Variants in DYNLT4 observed in about 807,000 individuals in gnomAD.
DYNLT4 encodes Tctex1 domain containing 4.
Under a neutral mutation model 1.5 loss-of-function variants are expected in DYNLT4, and 3 were observed. The ratio of observed to expected loss-of-function variants is 1.97; its 90% CI spans 0.90 to 5.08. The LOEUF is 5.08. Among genes scored for constraint, DYNLT4 ranks in the 30% most tolerant of loss-of-function variants. The probability of loss-of-function intolerance (pLI) is 0.02; values close to 1 mark genes in which losing one functional copy is unlikely to be tolerated. For missense variants in DYNLT4, 346 were observed against 341.0 expected (o/e 1.01, Z -0.12); for synonymous variants, 181 against 160.0 (o/e 1.13, Z -0.99).
chr1:44,806,414 G>T lies in DYNLT4; in HGVS notation c.255C>A (p.Pro85=). The part of the protein sequence containing the change: ...GGQRPSLGPV[P]PLGSRVSFSG... ...AGAAGCTGACCCTTGAGCCCAGAGG[G>T]GGCACCGGGCCCAGGGATGGCCGCT... The change falls in exon 3 of 3, where the codon CCC becomes CCA. Residue 85 remains proline, a synonymous_variant. Coordinates refer to ENST00000339355, the MANE Select transcript of DYNLT4 (RefSeq NM_001377534.1). The T allele has an allele frequency of 6.6e-7, 1 of 1,517,792 alleles. No homozygotes were observed. 94.0% of individuals were successfully genotyped at this position (1,517,792 alleles called of 1,614,324 possible).
Position 44,806,592 on chromosome 1 carries a change from A to G in DYNLT4, c.77T>C (p.Val26Ala). Reference protein sequence around the residue: ...AKDSGRKPSPVRPRGCLPSID... With the variant: ...AKDSGRKPSPARPRGCLPSID... ...GCTGGGCAGGCAGCCTCGGGGCCGC[A>G]CCGGTGAGGGTTTCCGCCCGGAGTC... The change falls in exon 3 of 3, where the codon GTG becomes GCG. Residue 26 changes from valine to alanine, a missense_variant. By Grantham distance (64) the Val-to-Ala change is moderately conservative. Coordinates refer to ENST00000339355, the MANE Select transcript of DYNLT4 (RefSeq NM_001377534.1). The G allele has an allele frequency of 1.3e-6, 2 of 1,487,924 alleles. No individual in the cohort carries two copies. Among genetic ancestry groups the G allele is most frequent in the Non-Finnish European group, 1.8e-6 (2 of 1,121,912 alleles). The allele number at this position is 1,487,924 out of a possible 1,614,324, so 92.2% of individuals were successfully genotyped here.
Position 44,806,408 on chromosome 1 carries a change from C to G in DYNLT4, c.261G>C (p.Leu87=). ...QRPSLGPVPP[L]GSRVSFSGLP... ...ACCCTGAGAAGCTGACCCTTGAGCC[C>G]AGAGGGGGCACCGGGCCCAGGGATG... Residue 87 remains leucine, a synonymous_variant, in exon 3 of 3, where the codon CTG becomes CTC. Transcript: ENST00000339355. The G allele has an allele frequency of 6.6e-7, 1 of 1,521,548 alleles. No individual in the cohort carries two copies. The highest frequency in any genetic ancestry group is 8.8e-7 in the Non-Finnish European group (1 of 1,140,720). The allele number at this position is 1,521,548 out of a possible 1,614,324, so 94.3% of individuals were successfully genotyped here. A position where few individuals can be genotyped will look rare whatever the true frequency, so the allele number is the denominator to read the frequency against.
intron 1 of DYNLT4, 101 bp downstream of exon 1, chr1:44,807,224 A>C: frequency 3.8e-6 from 3 of 784,520 alleles, no homozygotes; most frequent in Non-Finnish European, 4.6e-6. Flanking sequence ...CAGATGACTC[A>C]TGAAGCCCCC....
Position 44,806,265 on chromosome 1 carries a change from AGCCCTGCGGCCAGCGCC to A in DYNLT4, c.387_403del (p.Leu131ArgfsTer99). On this transcript the variant is annotated frameshift_variant, in exon 3 of 3. Coordinates refer to ENST00000339355, the MANE Select transcript of DYNLT4 (RefSeq NM_001377534.1). LOFTEE classifies it low-confidence loss of function (END_TRUNC). ...GTCGCTGGAGTAGCACGCGTCGTGC[AGCCCTGCGGCCAGCGCC>A]GCCTCCAGGGCACGCTGTGCACGCG... 1 of 1,498,856 alleles carries A rather than the reference AGCCCTGCGGCCAGCGCC, an allele frequency of 6.7e-7. No homozygotes were observed. The highest frequency in any genetic ancestry group is 2.5e-5 in the East Asian group (1 of 39,274). The allele number at this position is 1,498,856 out of a possible 1,614,324, so 92.8% of individuals were successfully genotyped here. A position where few individuals can be genotyped will look rare whatever the true frequency, so the allele number is the denominator to read the frequency against.
At position 44,806,650 on chromosome 1, in the gene DYNLT4, G is replaced by T. The variant is rs780308703; in HGVS notation, c.19C>A (p.Pro7Thr). Reference sequence around the variant, plus strand: ...TTCTCCTCCTCCTGGCGTCCCGGGGGCAGAGGCCTGCTGGCCATGGACCTG... The same window carrying T: ...TTCTCCTCCTCCTGGCGTCCCGGGGTCAGAGGCCTGCTGGCCATGGACCTG... MASRPL[P>T]PGRQEEENAK... Residue 7 changes from proline to threonine, a missense_variant, in exon 3 of 3, where the codon CCC (proline) becomes ACC (threonine). Coordinates refer to ENST00000339355, the MANE Select transcript of DYNLT4 (RefSeq NM_001377534.1). The T allele has an allele frequency of 6.8e-7, 1 of 1,465,476 alleles. No individual in the cohort carries two copies. The highest frequency in any genetic ancestry group is 1.4e-5 in the South Asian group (1 of 69,208). The allele number at this position is 1,465,476 out of a possible 1,614,324, so 90.8% of individuals were successfully genotyped here.
At position 44,806,089 on chromosome 1, in the gene DYNLT4, C is replaced by G. The variant is rs748841148; in HGVS notation, c.580G>C (p.Val194Leu). The change falls in exon 3 of 3, where the codon GTG becomes CTG. Residue 194 changes from valine (V) to leucine (L), a missense_variant. By Grantham distance (32) the Val-to-Leu change is conservative. Coordinates refer to ENST00000339355, the MANE Select transcript of DYNLT4 (RefSeq NM_001377534.1). Reference protein sequence around the residue: ...VHVVSRALWDVARDGLASVSY... With the variant: ...VHVVSRALWDLARDGLASVSY... Reference sequence around the variant, plus strand: ...ACCGAGGCCAGCCCATCGCGCGCCACGTCCCAGAGCGCACGGCTGACCACG... The same window carrying G: ...ACCGAGGCCAGCCCATCGCGCGCCAGGTCCCAGAGCGCACGGCTGACCACG... 6.2e-7 allele frequency: 1 copy of G among 1,606,824 alleles called. No homozygotes were observed. Among genetic ancestry groups the G allele is most frequent in the Non-Finnish European group, 8.5e-7 (1 of 1,176,674 alleles).
chr1:44,806,961 C>A lies in DYNLT4; in HGVS notation c.-66-123G>T, dbSNP rs952840498. On this transcript the variant is annotated intron_variant, in intron 1 of 2. Transcript: ENST00000339355. ...GGGCACTATGGAAGTTAGCCAGGTACGCTCGGAGTCTTAGAGACTGCCATT... is the reference window on the plus strand; with the variant it reads ...GGGCACTATGGAAGTTAGCCAGGTAAGCTCGGAGTCTTAGAGACTGCCATT... 5.2e-5 allele frequency: 51 copies of A among 985,274 alleles called. No homozygotes were observed. The South Asian group carries it at 6.1e-4, about 12-fold the overall frequency. The allele number at this position is 985,274 out of a possible 1,614,324, so 61.0% of individuals were successfully genotyped here.
In DYNLT4 at chr1:44,806,186, G is replaced by A. The variant is rs1157212523; in HGVS notation, c.483C>T (p.Arg161=). Residue 161 remains arginine, a synonymous_variant, in exon 3 of 3, where the codon CGC becomes CGT. Transcript: ENST00000339355. ...ELCEQVHVRL[R]ELSPPRYKLV... is the part of the protein sequence containing the mutation. ...GCTTGTAGCGTGGCGGGCTGAGCTC[G>A]CGCAGGCGAACGTGCACCTGCTCGC... 1.9e-6 allele frequency: 3 copies of A among 1,553,830 alleles called. No homozygotes were observed. Among genetic ancestry groups the A allele is most frequent in the Non-Finnish European group, 2.6e-6 (3 of 1,153,200 alleles).
Position 44,806,805 on chromosome 1 carries a change from TCAGATAGTCC to T in DYNLT4, c.-43_-34del. Reference sequence around the variant, plus strand: ...TTACCTGTGTTTTAGAACAAGTGGATCAGATAGTCCCAGGCTGCCTGGGTTCCTAGGTGCT... The same window carrying T: ...TTACCTGTGTTTTAGAACAAGTGGATCAGGCTGCCTGGGTTCCTAGGTGCT... On this transcript the variant is annotated 5_prime_UTR_variant, in exon 2 of 3. Coordinates refer to ENST00000339355, the MANE Select transcript of DYNLT4 (RefSeq NM_001377534.1). The T allele has an allele frequency of 7.5e-7, 1 of 1,340,766 alleles. No individual in the cohort carries two copies. The highest frequency in any genetic ancestry group is 2.0e-5 in the South Asian group (1 of 49,588). 83.1% of individuals were successfully genotyped at this position (1,340,766 alleles called of 1,614,324 possible).
chr1:44,806,704 C>T, intron 2 of DYNLT4, 25 bp from the exon 3 acceptor site: 1 of 1,427,308 alleles, frequency 7.0e-7, no homozygotes. Flanking sequence ...CTCAGGGTGG[C>T]CTTCACCAGG....
intron 1 of DYNLT4, 156 bp from the exon 2 acceptor site, chr1:44,806,994 T>A (rs1042692360): frequency 1.0e-6 from 1 of 985,236 alleles, no homozygotes; most frequent in African/African-American, 1.7e-5. Flanking sequence ...ATTTCTCCCT[T>A]CCACCCGACT....
At position 44,805,901 on chromosome 1, in the gene DYNLT4, G is replaced by A. The variant is rs1573616124; in HGVS notation, c.*102C>T. ...CTCCCAGCTAGGGGGCGTTATTTAT[G>A]GACCACTTTTATTTATTGTCAGACA... is the stretch of plus-strand genomic sequence containing the variant. On this transcript the variant is annotated 3_prime_UTR_variant, in exon 3 of 3. Coordinates refer to ENST00000339355, the MANE Select transcript of DYNLT4 (RefSeq NM_001377534.1). 1 of 1,455,860 alleles carries A rather than the reference G, an allele frequency of 6.9e-7. No homozygotes were observed. The highest frequency in any genetic ancestry group is 2.5e-5 in the East Asian group (1 of 40,344). 90.2% of individuals were successfully genotyped at this position (1,455,860 alleles called of 1,614,324 possible).
rs908818037 is a variant in DYNLT4, at chr1:44,806,523, G to C, written c.146C>G (p.Ser49Trp). 1 of 1,496,822 alleles carries C rather than the reference G, an allele frequency of 6.7e-7. No homozygotes were observed. The highest frequency in any genetic ancestry group is 8.8e-7 in the Non-Finnish European group (1 of 1,130,792). 92.7% of individuals were successfully genotyped at this position (1,496,822 alleles called of 1,614,324 possible). ...CAGGCCCAGCATGGAGCCCCGGCGC[G>C]AGGCCGGGGCTGGACCTGGACCTGC... ...RPAGPGPAPA[S>W]RRGSMLGLAA... The change falls in exon 3 of 3, where the codon TCG becomes TGG. Residue 49 changes from serine (S) to tryptophan (W), a missense_variant. Transcript: ENST00000339355.
At position 44,806,490 on chromosome 1, in the gene DYNLT4, G is replaced by C. The variant is rs931366064; in HGVS notation, c.179C>G (p.Ser60Cys). 1 of 1,513,160 alleles carries C rather than the reference G, an allele frequency of 6.6e-7. No homozygotes were observed. The highest frequency in any genetic ancestry group is 8.8e-7 in the Non-Finnish European group (1 of 1,137,142). 93.7% of individuals were successfully genotyped at this position (1,513,160 alleles called of 1,614,324 possible). ...RRGSMLGLAA[S>C]FSRRNSLVGP... ...GACCAGCGAGTTGCGGCGGGAGAAG[G>C]ACGCGGCCAGGCCCAGCATGGAGCC... is the stretch of plus-strand genomic sequence containing the variant. Residue 60 changes from serine (S) to cysteine (C), a missense_variant, in exon 3 of 3, where the codon TCC becomes TGC. Coordinates refer to ENST00000339355, the MANE Select transcript of DYNLT4 (RefSeq NM_001377534.1).
In DYNLT4 at chr1:44,806,111, C is replaced by T. The variant is rs1465890156; in HGVS notation, c.558G>A (p.Val186=). ...LGPRAGQGVH[V]VSRALWDVAR... is the part of the protein sequence containing the mutation. ...CCACGTCCCAGAGCGCACGGCTGAC[C>T]ACGTGAACGCCCTGGCCCGCGCGCG... Residue 186 remains valine, a synonymous_variant, in exon 3 of 3, where the codon GTG becomes GTA. Coordinates refer to ENST00000339355, the MANE Select transcript of DYNLT4 (RefSeq NM_001377534.1). 6.2e-7 allele frequency: 1 copy of T among 1,607,542 alleles called. No individual in the cohort carries two copies. Among genetic ancestry groups the T allele is most frequent in the Non-Finnish European group, 8.5e-7 (1 of 1,177,692 alleles).
intron 1 of DYNLT4, 104 bp from the exon 2 acceptor site, chr1:44,806,942 T>A (rs1277379110): frequency 1.0e-6 from 1 of 985,296 alleles, no homozygotes; most frequent in Non-Finnish European, 1.2e-6. Context: ...CTCTGGGCAC[T>A]ATGGAAGTTA....
chr1:44,806,003 T>C lies in DYNLT4; in HGVS notation c.666A>G (p.Ter222TrpextTer25). 1 of 1,539,460 alleles carries C rather than the reference T, an allele frequency of 6.5e-7. No individual in the cohort carries two copies. Among genetic ancestry groups the C allele is most frequent in the East Asian group, 2.3e-5 (1 of 43,950 alleles). ...VATVHGLYCE* is the reference protein window; with the variant it reads ...VATVHGLYCEW ...CAATTTTGCAGAATTGGACTCCCCC[T>C]CACTCGCAGTAGAGCCCGTGGACCG... The change falls in exon 3 of 3, where the codon TGA (stop) becomes TGG (tryptophan). Residue 222 changes from the stop codon to tryptophan, a stop_lost. Coordinates refer to ENST00000339355, the MANE Select transcript of DYNLT4 (RefSeq NM_001377534.1).
In DYNLT4 at chr1:44,806,608, G is replaced by T. The variant is rs891727844; in HGVS notation, c.61C>A (p.Arg21=). Residue 21 remains arginine (R), a synonymous_variant, in exon 3 of 3, where the codon CGG becomes AGG. Transcript: ENST00000339355. The part of the protein sequence containing the change: ...QEEENAKDSG[R]KPSPVRPRGC... ...CGGGGCCGCACCGGTGAGGGTTTCC[G>T]CCCGGAGTCTTTGGCATTCTCCTCC... 2.7e-6 allele frequency: 4 copies of T among 1,468,906 alleles called. No homozygotes were observed. The highest frequency in any genetic ancestry group is 2.7e-5 in the East Asian group (1 of 37,626). The allele number at this position is 1,468,906 out of a possible 1,614,324, so 91.0% of individuals were successfully genotyped here. A position where few individuals can be genotyped will look rare whatever the true frequency, so the allele number is the denominator to read the frequency against.
rs915998176 is a variant in DYNLT4 at position 44,806,454 on chromosome 1, G to A, written c.215C>T (p.Ala72Val). 3.3e-6 allele frequency: 5 copies of A among 1,523,790 alleles called. No homozygotes were observed. Among genetic ancestry groups the A allele is most frequent in the African/African-American group, 2.8e-5 (2 of 70,494 alleles). The allele number at this position is 1,523,790 out of a possible 1,614,324, so 94.4% of individuals were successfully genotyped here. A position where few individuals can be genotyped will look rare whatever the true frequency, so the allele number is the denominator to read the frequency against. Residue 72 changes from alanine to valine, a missense_variant, in exon 3 of 3, where the codon GCG becomes GTG. Ala to Val is a moderately conservative substitution (Grantham distance 64). Transcript: ENST00000339355. Reference protein sequence around the residue: ...SRRNSLVGPGAGPGGQRPSLG... With the variant: ...SRRNSLVGPGVGPGGQRPSLG... Reference sequence around the variant, plus strand: ...GGATGGCCGCTGACCCCCAGGACCCGCGCCTGGCCCGACCAGCGAGTTGCG... The same window carrying A: ...GGATGGCCGCTGACCCCCAGGACCCACGCCTGGCCCGACCAGCGAGTTGCG...
Sources: gnomAD v4.1 joint callset for allele counts on GRCh38, gnomAD v4.1.1 for gene constraint, MANE v1.5 for transcripts, NCBI Gene and HGNC (gene_info 2026-07-23, HGNC 2026-07-21) for gene names.